ADCY2: variants seen among roughly 807,000 people sequenced by gnomAD.
The protein encoded by ADCY2 is adenylate cyclase type 2.
ADCY2 carries 31 observed loss-of-function variants against 125.2 expected under a neutral mutation model. That is an observed-to-expected ratio of 0.25 (90% CI 0.19 to 0.33). ADCY2 has a LOEUF of 0.33. Among genes scored for constraint, ADCY2 ranks in the 10% least tolerant of loss-of-function variants. ADCY2 has a pLI of 1.00. For synonymous variants in ADCY2, 512 were observed against 548.4 expected, an observed-to-expected ratio of 0.93 and a Z score of 0.93; for missense variants, 904 against 1,418.2, an observed-to-expected ratio of 0.64 and a Z score of 5.82.
intron 2 of ADCY2, among the ~76,000 whole-genome samples, chr5:7,441,277 G>A (rs1741003739): frequency 6.6e-6 from 1 of 152,170 alleles, no homozygotes; most frequent in Non-Finnish European, 1.5e-5. Context: ...AATTGCAGCA[G>A]CAGCCATTGT....
rs1745339039 is a variant in ADCY2, at chr5:7,822,706, GTGCATGTGTGTGTACA to G, written c.3123+2031_3123+2046del. On this transcript the variant is annotated intron_variant, in intron 24 of 24. Transcript: ENST00000338316. ...TGGGATCTGCAAGTGAGAAGCGTGT[GTGCATGTGTGTGTACA>G]TGCATGTGTGTGTGTGTGTGTGTCT... 9.7e-5 allele frequency among the ~76,000 whole-genome samples: 14 copies of G among 144,634 alleles called. 1 individual carries two copies. The South Asian group carries it at 3.2e-3, about 33-fold the overall frequency. The allele number at this position is 144,634 out of a possible 152,430, so 94.9% of individuals were successfully genotyped here.
chr5:7,720,209 G>A (rs1741714822), intron 12 of ADCY2, among the ~76,000 whole-genome samples: 3 of 151,972 alleles, frequency 2.0e-5, no homozygotes, highest in South Asian at 4.2e-4. Flanking sequence ...TTTCTCTGTA[G>A]TTCCAATCCC....
At chr5:7,785,481 A>G (rs1239593898) in intron 19 of ADCY2, among the ~76,000 whole-genome samples, 1 of 79,894 alleles carries the variant, frequency 1.3e-5, no homozygotes, top group Non-Finnish European at 2.6e-5. Context: ...TTCCCACCCC[A>G]CCACCCCTCT....
chr5:7,461,231 T>C (rs1741907043), intron 2 of ADCY2, among the ~76,000 whole-genome samples: 1 of 152,220 alleles, frequency 6.6e-6, no homozygotes, highest in African/African-American at 2.4e-5. Context: ...AATTTAGTCA[T>C]ATGATTACAT....
intron 3 of ADCY2, among the ~76,000 whole-genome samples, chr5:7,533,544 T>C (rs2126549617): frequency 6.6e-6 from 1 of 152,272 alleles, no homozygotes; most frequent in South Asian, 2.1e-4. Flanking sequence ...TTAGGTTAGA[T>C]GCTTAACACA....
intron 4 of ADCY2, among the ~76,000 whole-genome samples, chr5:7,648,423 G>T (rs1376007138): frequency 6.6e-6 from 1 of 152,096 alleles, no homozygotes; most frequent in African/African-American, 2.4e-5. Flanking sequence ...GACATGATGG[G>T]AAAATAAGAT....
At position 7,828,558 on chromosome 5, in the gene ADCY2, G is replaced by A. The variant is rs555051889; in HGVS notation, c.*1687G>A. ...AAGGCACTTATCGAAGCTGATAACC[G>A]TCCTTCATCACCGAAGTGTGAGTAG... On this transcript the variant is annotated 3_prime_UTR_variant, in exon 25 of 25. Transcript: ENST00000338316. 10 of 152,404 alleles carry A rather than the reference G, an allele frequency of 6.6e-5. No homozygotes were observed. In the South Asian group the frequency reaches 1.9e-3, roughly 29 times the overall value. 9.4% of individuals were successfully genotyped at this position (152,404 alleles called of 1,614,324 possible). A position where few individuals can be genotyped will look rare whatever the true frequency, so the allele number is the denominator to read the frequency against.
At chr5:7,409,325 A>T (rs1561009074) in intron 1 of ADCY2, among the ~76,000 whole-genome samples, 1 of 152,036 alleles carries the variant, frequency 6.6e-6, no homozygotes. Flanking sequence ...TGTACAACAA[A>T]CCCCCAGGAT....
At chr5:7,738,574 T>C (rs1481327872) in intron 14 of ADCY2, among the ~76,000 whole-genome samples, 2 of 151,848 alleles carry the variant, frequency 1.3e-5, no homozygotes, top group Non-Finnish European at 2.9e-5. Context: ...TCAAACATTA[T>C]AAATGGGAAA....
At chr5:7,439,529 T>TACACACAC (rs66460653) in intron 2 of ADCY2, among the ~76,000 whole-genome samples, 2 of 148,718 alleles carry the variant, frequency 1.3e-5, no homozygotes, top group Non-Finnish European at 3.0e-5. Context: ...TGGGTTAAGA[T>TACACACAC]ACACACACAC....
chr5:7,776,985 T>C (rs1743750774), intron 18 of ADCY2, among the ~76,000 whole-genome samples: 1 of 152,092 alleles, frequency 6.6e-6, no homozygotes, highest in Admixed American at 6.5e-5. Flanking sequence ...CTTTCCCTGC[T>C]TTGCAGACGG....
chr5:7,408,574 G>T (rs1228592081), intron 1 of ADCY2, among the ~76,000 whole-genome samples: 1 of 151,626 alleles, frequency 6.6e-6, no homozygotes, highest in Non-Finnish European at 1.5e-5. Context: ...CATCATGTTG[G>T]CCAGCCTGGG....
chr5:7,480,007 A>G (rs1013591422), intron 2 of ADCY2, among the ~76,000 whole-genome samples: 2 of 152,240 alleles, frequency 1.3e-5, no homozygotes, highest in Admixed American at 6.5e-5. Flanking sequence ...TAATCATATG[A>G]AAAAAAGCTC....
intron 2 of ADCY2, among the ~76,000 whole-genome samples, chr5:7,436,872 G>C (rs1695109451): frequency 6.6e-6 from 1 of 152,196 alleles, no homozygotes; most frequent in Admixed American, 6.5e-5. Flanking sequence ...GTGTGCTAGG[G>C]AATCTTTTGA....
chr5:7,399,736 A>C (rs1162424805), intron 1 of ADCY2, among the ~76,000 whole-genome samples: 2 of 152,178 alleles, frequency 1.3e-5, no homozygotes, highest in Non-Finnish European at 2.9e-5. Flanking sequence ...TATCATGGAG[A>C]GTATTCATGA....
chr5:7,750,293 C>T (rs1029970919), intron 15 of ADCY2, among the ~76,000 whole-genome samples: 9 of 151,998 alleles, frequency 5.9e-5, no homozygotes, highest in Admixed American at 3.3e-4. Context: ...ACCTTAAAAC[C>T]GTAACATGTA....
intron 2 of ADCY2, among the ~76,000 whole-genome samples, chr5:7,423,058 T>G (rs1224600623): frequency 1.3e-5 from 2 of 152,176 alleles, no homozygotes; most frequent in Non-Finnish European, 2.9e-5. Context: ...GTGTGGGCAT[T>G]TGGACTTACT....
In ADCY2 at chr5:7,699,892, A is replaced by G. The variant is rs1741025772; in HGVS notation, c.1109+1518A>G. On this transcript the variant is annotated intron_variant, in intron 7 of 24. Coordinates refer to ENST00000338316, the MANE Select transcript of ADCY2 (RefSeq NM_020546.3). ...TATGCACTGCCTGACCCAGCCTAGT[A>G]TTGTTACTATGAGCCTTAGACTACA... Among the ~76,000 whole-genome samples the G allele has an allele frequency of 2.6e-5, 4 of 152,196 alleles. No homozygotes were observed. The South Asian group carries it at 8.3e-4, about 32-fold the overall frequency.
chr5:7,445,084 C>T (rs914769879), intron 2 of ADCY2, among the ~76,000 whole-genome samples: 4 of 152,112 alleles, frequency 2.6e-5, no homozygotes, highest in African/African-American at 9.7e-5. Flanking sequence ...TACAGAAGTT[C>T]TATTTTAAGT....
Sources: gnomAD v4.1 joint callset for allele counts (sites outside exome capture counted in the v4.1 genomes callset) on GRCh38, gnomAD v4.1.1 for gene constraint, MANE v1.5 for transcripts, NCBI Gene and HGNC (gene_info 2026-07-23, HGNC 2026-07-21) for gene names.